The following DLG1 variants were observed in gnomAD, a reference collection of about 807,000 sequenced individuals.
DLG1 encodes disks large homolog 1.
Under a neutral mutation model 123.4 loss-of-function variants are expected in DLG1, and 42 were observed. The ratio of observed to expected loss-of-function variants is 0.34; its 90% CI spans 0.27 to 0.44. The LOEUF (loss-of-function observed/expected upper bound fraction) is 0.44, where lower values mean the gene tolerates loss of function less well. Among genes scored for constraint, DLG1 ranks in the 20% least tolerant of loss-of-function variants. The probability of loss-of-function intolerance (pLI) is 1.00; values close to 1 mark genes in which losing one functional copy is unlikely to be tolerated. For synonymous variants in DLG1, 317 were observed against 356.2 expected, an observed-to-expected ratio of 0.89 and a Z score of 1.24; for missense variants, 942 against 1,082.6, an observed-to-expected ratio of 0.87 and a Z score of 1.82.
intron 23 of DLG1, among the ~76,000 whole-genome samples, chr3:197,055,286 C>T (rs1730894617): frequency 6.6e-6 from 1 of 152,166 alleles, no homozygotes; most frequent in African/African-American, 2.4e-5. Context: ...TGTCTTTTAG[C>T]TCATTTAGTA....
chr3:197,098,318 G>A (rs1342765673), intron 14 of DLG1, among the ~76,000 whole-genome samples: 1 of 152,138 alleles, frequency 6.6e-6, no homozygotes, highest in African/African-American at 2.4e-5. Context: ...CTACATTTTA[G>A]AAATTTAAAA....
chr3:197,199,674 T>C (rs1157059731), intron 4 of DLG1, among the ~76,000 whole-genome samples: 1 of 152,196 alleles, frequency 6.6e-6, no homozygotes, highest in Non-Finnish European at 1.5e-5. Flanking sequence ...TTCAGGGCCA[T>C]CATTACATTA....
At chr3:197,213,683 C>A (rs1432375665) in intron 4 of DLG1, among the ~76,000 whole-genome samples, 2 of 152,190 alleles carry the variant, frequency 1.3e-5, no homozygotes, top group African/African-American at 4.8e-5. Flanking sequence ...AAGGGCCAAT[C>A]TCTATGAAGA....
chr3:197,118,496 A>G (rs551336215), intron 12 of DLG1, among the ~76,000 whole-genome samples: 2 of 152,328 alleles, frequency 1.3e-5, no homozygotes, highest in East Asian at 3.9e-4. Flanking sequence ...TATCTGTCCT[A>G]AAGATCACTG....
chr3:197,120,776 A>G lies in DLG1; in HGVS notation c.1166-1246T>C, dbSNP rs1775929443. Among the ~76,000 whole-genome samples the G allele has an allele frequency of 2.0e-5, 3 of 152,202 alleles. No homozygotes were observed. In the South Asian group the frequency reaches 6.2e-4, roughly 31 times the overall value. On this transcript the variant is annotated intron_variant, in intron 11 of 24. Transcript: ENST00000667157. The stretch of plus-strand genomic sequence containing the variant: ...AGTATTTTAGAGATGCAGTGTATCT[A>G]TTGATATTACAGGTTTGCAGTATCC...
At chr3:197,220,980 A>G (rs143203987) in intron 4 of DLG1, among the ~76,000 whole-genome samples, 2,519 of 152,342 alleles carry the variant, frequency 0.017, 30 homozygotes, top group South Asian at 0.033. Flanking sequence ...GCAAACTGCT[A>G]TTGATCATTA....
chr3:197,144,556 G>A (rs1789724563), intron 6 of DLG1, among the ~76,000 whole-genome samples: 1 of 152,176 alleles, frequency 6.6e-6, no homozygotes, highest in African/African-American at 2.4e-5. Context: ...AGTTTGTTAT[G>A]CAATGATAGA....
chr3:197,135,242 A>G (rs566172128), intron 10 of DLG1, among the ~76,000 whole-genome samples: 1 of 152,312 alleles, frequency 6.6e-6, no homozygotes, highest in Non-Finnish European at 1.5e-5. Flanking sequence ...TTGATATGGT[A>G]TGGCTCTGTG....
rs903907519 is a variant in DLG1 at position 197,153,594 on chromosome 3, A to T, written c.484-3798T>A. 1.1e-4 allele frequency among the ~76,000 whole-genome samples: 16 copies of T among 152,076 alleles called. 1 individual carries two copies. The highest frequency in any genetic ancestry group is 3.9e-4 in the African/African-American group (16 of 41,400). On this transcript the variant is annotated intron_variant, in intron 5 of 24. Transcript: ENST00000667157. ...TTCCACCTCCTCCTCATTGTTGGAAACCCCACCCCAACCTCCCAGGCTGAA... is the reference window on the plus strand; with the variant it reads ...TTCCACCTCCTCCTCATTGTTGGAATCCCCACCCCAACCTCCCAGGCTGAA...
intron 5 of DLG1, among the ~76,000 whole-genome samples, chr3:197,160,704 A>C (rs1798446791): frequency 6.6e-6 from 1 of 152,130 alleles, no homozygotes; most frequent in Admixed American, 6.5e-5. Flanking sequence ...CACTGACTTC[A>C]CTTTTTAGGA....
At position 197,098,493 on chromosome 3, in the gene DLG1, C is replaced by T. The variant is rs541224875; in HGVS notation, c.1546+6410G>A. On this transcript the variant is annotated intron_variant, in intron 14 of 24. Transcript: ENST00000667157. ...CCTGATAATTTCTTAAATTTGTGAT[C>T]TATTTCTTTCACTGTATTCAGATCT... Among the ~76,000 whole-genome samples the T allele has an allele frequency of 1.2e-4, 18 of 152,264 alleles. 1 individual carries two copies. The Middle Eastern group carries it at 0.02, about 173-fold the overall frequency.
chr3:197,144,004 A>G (rs1197514903), intron 6 of DLG1, among the ~76,000 whole-genome samples: 2 of 152,204 alleles, frequency 1.3e-5, no homozygotes, highest in Non-Finnish European at 2.9e-5. Context: ...TTCTCGTGAT[A>G]TGAGGCTGGG....
Position 197,286,875 on chromosome 3 carries a change from G to A in DLG1, c.152-4030C>T, listed in dbSNP as rs114481627. 3.7e-3 allele frequency among the ~76,000 whole-genome samples: 557 copies of A among 150,930 alleles called. 3 individuals are homozygous for A. The highest frequency in any genetic ancestry group is 0.013 in the African/African-American group (519 of 41,088). Reference sequence around the variant, plus strand: ...CCTCAAGTGCTGGGATTATATACAAGAGCCACCTGAGCTCAGGCCTTTTTT... The same window carrying A: ...CCTCAAGTGCTGGGATTATATACAAAAGCCACCTGAGCTCAGGCCTTTTTT... On this transcript the variant is annotated intron_variant, in intron 3 of 24. Coordinates refer to ENST00000667157, the MANE Select transcript of DLG1 (RefSeq NM_001366207.1).
At chr3:197,182,945 A>C (rs538432416) in intron 5 of DLG1, among the ~76,000 whole-genome samples, 34 of 152,086 alleles carry the variant, frequency 2.2e-4, no homozygotes, top group African/African-American at 8.0e-4. Flanking sequence ...TTAAATTGTG[A>C]TTTGACTATG....
At chr3:197,133,927 C>G (rs540457597) in intron 10 of DLG1, among the ~76,000 whole-genome samples, 1 of 152,200 alleles carries the variant, frequency 6.6e-6, no homozygotes, top group Non-Finnish European at 1.5e-5. Context: ...ATTAAGAGAA[C>G]AAAAGCCTCA....
At chr3:197,113,252 G>A (rs1771120574) in intron 13 of DLG1, among the ~76,000 whole-genome samples, 2 of 152,040 alleles carry the variant, frequency 1.3e-5, no homozygotes, top group African/African-American at 4.8e-5. Context: ...TAGAAGTTTA[G>A]TTCTATGGTC....
chr3:197,250,824 T>G (rs1754026561), intron 4 of DLG1, among the ~76,000 whole-genome samples: 1 of 150,688 alleles, frequency 6.6e-6, no homozygotes, highest in African/African-American at 2.4e-5. Flanking sequence ...TGAAACCCTG[T>G]CTCTACCAAA....
chr3:197,084,201 C>G (rs1446560442), intron 16 of DLG1, among the ~76,000 whole-genome samples: 1 of 152,156 alleles, frequency 6.6e-6, no homozygotes, highest in Non-Finnish European at 1.5e-5. Context: ...CAGACACTTT[C>G]AGTTTTCTCT....
chr3:197,119,867 C>T (rs1384136514), intron 11 of DLG1, among the ~76,000 whole-genome samples: 1 of 151,664 alleles, frequency 6.6e-6, no homozygotes, highest in Non-Finnish European at 1.5e-5. Flanking sequence ...AGACTATGTC[C>T]TTATACTAGC....
Sources: gnomAD v4.1 joint callset for allele counts (sites outside exome capture counted in the v4.1 genomes callset) on GRCh38, gnomAD v4.1.1 for gene constraint, MANE v1.5 for transcripts, NCBI Gene and HGNC (gene_info 2026-07-23, HGNC 2026-07-21) for gene names.